The following ROCK1 variants were observed in gnomAD, a reference collection of about 807,000 sequenced individuals.
ROCK1 encodes the protein rho-associated protein kinase 1.
A neutral mutation model predicts 196.8 loss-of-function variants in ROCK1; 36 were observed. The observed-to-expected ratio is 0.18, with a 90% confidence interval of 0.14 to 0.24. The LOEUF (loss-of-function observed/expected upper bound fraction) is 0.24, where lower values mean the gene tolerates loss of function less well. ROCK1 is among the 10% of genes least tolerant of loss of function. The probability of loss-of-function intolerance (pLI) is 1.00; values close to 1 mark genes in which losing one functional copy is unlikely to be tolerated. For synonymous variants in ROCK1, 443 were observed against 515.9 expected, an observed-to-expected ratio of 0.86 and a Z score of 1.91; for missense variants, 920 against 1,562.0, an observed-to-expected ratio of 0.59 and a Z score of 6.93.
chr18:21,106,799 A>C (rs1399202528), intron 1 of ROCK1, among the ~76,000 whole-genome samples: 1 of 152,226 alleles, frequency 6.6e-6, no homozygotes, highest in African/African-American at 2.4e-5. Flanking sequence ...TTTAGCATTT[A>C]TACATGATAT....
rs2035169430 is a variant in ROCK1 at position 20,950,023 on chromosome 18, C to CCAGTG, written c.*1356_*1360dup. On this transcript the variant is annotated 3_prime_UTR_variant, in exon 33 of 33. Coordinates refer to ENST00000399799, the MANE Select transcript of ROCK1 (RefSeq NM_005406.3). ...TATCATCCTAGAGACGATCGGTTTT[C>CCAGTG]CAGTGCTTCTTATCTGATACACATT... 1 of 152,642 alleles carries CCAGTG rather than the reference C, an allele frequency of 6.6e-6. No individual in the cohort carries two copies. The highest frequency in any genetic ancestry group is 6.5e-5 in the Admixed American group (1 of 15,272). The allele number at this position is 152,642 out of a possible 1,614,324, so 9.5% of individuals were successfully genotyped here. A position where few individuals can be genotyped will look rare whatever the true frequency, so the allele number is the denominator to read the frequency against.
chr18:21,086,051 T>A (rs2036524059), intron 1 of ROCK1, among the ~76,000 whole-genome samples: 1 of 152,164 alleles, frequency 6.6e-6, no homozygotes, highest in Non-Finnish European at 1.5e-5. Flanking sequence ...TCTAATTTGT[T>A]ATTTTGGGGA....
chr18:20,968,892 T>C, intron 24 of ROCK1, 32 bp from the exon 25 acceptor site: 2 of 1,338,754 alleles, frequency 1.5e-6, no homozygotes, highest in Admixed American at 1.7e-5. Flanking sequence ...TGTTATTGTA[T>C]GGTATTAATT....
chr18:20,954,509 G>A (rs1457393700), intron 31 of ROCK1, among the ~76,000 whole-genome samples: 1 of 152,182 alleles, frequency 6.6e-6, no homozygotes, highest in Non-Finnish European at 1.5e-5. Context: ...CTGGGAGGCA[G>A]AGGCTGCAGT....
intron 1 of ROCK1, among the ~76,000 whole-genome samples, chr18:21,094,129 CAT>C (rs777748108): frequency 1.3e-5 from 2 of 152,190 alleles, no homozygotes; most frequent in African/African-American, 2.4e-5. Context: ...ATATTTTCCA[CAT>C]GTGACTAAAA....
At position 21,079,468 on chromosome 18, in the gene ROCK1, A is replaced by G. The variant is rs142168106; in HGVS notation, c.94-8855T>C. On this transcript the variant is annotated intron_variant, in intron 1 of 32. Coordinates refer to ENST00000399799, the MANE Select transcript of ROCK1 (RefSeq NM_005406.3). ...TCAGGGTCATCAGAAAATTGACCTAAGTCTCCCTTTGTTTGCTTAACGTCC... is the reference window on the plus strand; with the variant it reads ...TCAGGGTCATCAGAAAATTGACCTAGGTCTCCCTTTGTTTGCTTAACGTCC... Among the ~76,000 whole-genome samples, 364 of 152,312 alleles carry G rather than the reference A, an allele frequency of 2.4e-3. 2 individuals carry two copies. Among genetic ancestry groups the G allele is most frequent in the African/African-American group, 8.5e-3 (354 of 41,570 alleles).
chr18:21,062,397 T>C (rs905867089), intron 2 of ROCK1, among the ~76,000 whole-genome samples: 1 of 152,104 alleles, frequency 6.6e-6, no homozygotes, highest in African/African-American at 2.4e-5. Context: ...ATTAGGTTGG[T>C]GCAAAAGCAA....
In ROCK1 at chr18:21,042,244, T is replaced by C. The variant is rs748729473; in HGVS notation, c.821-9A>G. On this transcript the variant is annotated splice_polypyrimidine_tract_variant and intron_variant, in intron 7 of 32. Transcript: ENST00000399799. ...ATAAAAAGGTGTATCACCTGAAAAATTGATAAAGAAAACAAAAGCAAAATG... is the reference window on the plus strand; with the variant it reads ...ATAAAAAGGTGTATCACCTGAAAAACTGATAAAGAAAACAAAAGCAAAATG... 1 of 1,554,152 alleles carries C rather than the reference T, an allele frequency of 6.4e-7. No individual in the cohort carries two copies. The highest frequency in any genetic ancestry group is 8.6e-7 in the Non-Finnish European group (1 of 1,158,336).
rs753246567 is a variant in ROCK1, at chr18:20,967,913, T to G, written c.3031A>C (p.Asn1011His). The change falls in exon 26 of 33, where the codon AAT (asparagine) becomes CAT (histidine). Residue 1011 changes from asparagine to histidine, a missense_variant. Around this residue, in one of 6 missense-constraint regions of ROCK1, gnomAD observed 116 missense variants for 204.2 expected, o/e 0.57. Coordinates refer to ENST00000399799, the MANE Select transcript of ROCK1 (RefSeq NM_005406.3). ...QAVNKLAEIM[N>H]RKDFKIDRKK... ...CTATCAATTTTAAAATCTTTTCGAT[T>G]CATTATTTCTGCCAATTTGTTAACA... The G allele has an allele frequency of 6.4e-7, 1 of 1,566,050 alleles. No homozygotes were observed. Among genetic ancestry groups the G allele is most frequent in the Non-Finnish European group, 8.7e-7 (1 of 1,152,182 alleles).
chr18:21,019,404 T>A (rs1417344745), intron 12 of ROCK1, among the ~76,000 whole-genome samples: 1 of 152,102 alleles, frequency 6.6e-6, no homozygotes, highest in African/African-American at 2.4e-5. Context: ...ATCCACCATG[T>A]GCAGCCTAAT....
chr18:21,013,308 G>A (rs2035834110), intron 13 of ROCK1, among the ~76,000 whole-genome samples: 1 of 152,188 alleles, frequency 6.6e-6, no homozygotes, highest in Admixed American at 6.5e-5. Flanking sequence ...GTTTGCAGAA[G>A]TCCAGGTTTT....
At chr18:21,083,146 T>G (rs923428279) in intron 1 of ROCK1, among the ~76,000 whole-genome samples, 2 of 152,132 alleles carry the variant, frequency 1.3e-5, no homozygotes, top group African/African-American at 4.8e-5. Context: ...GCTAAAGACA[T>G]GTACACTGAA....
At chr18:21,024,385 T>C (rs1354828166) in intron 10 of ROCK1, among the ~76,000 whole-genome samples, 7 of 152,202 alleles carry the variant, frequency 4.6e-5, no homozygotes, top group African/African-American at 1.7e-4. Context: ...AAATAGATCA[T>C]ATATGTAAAC....
rs916415709 is a variant in ROCK1 at position 20,947,190 on chromosome 18, G to A, written c.*4194C>T. Reference sequence around the variant, plus strand: ...TCTTTGTATGTTAGACTTTCAATATGTGAAGTGGAATTAATGTTATTCTTT... The same window carrying A: ...TCTTTGTATGTTAGACTTTCAATATATGAAGTGGAATTAATGTTATTCTTT... On this transcript the variant is annotated 3_prime_UTR_variant, in exon 33 of 33. Coordinates refer to ENST00000399799, the MANE Select transcript of ROCK1 (RefSeq NM_005406.3). The A allele has an allele frequency of 6.6e-6, 1 of 152,076 alleles. No homozygotes were observed. The highest frequency in any genetic ancestry group is 2.4e-5 in the African/African-American group (1 of 41,420). 9.4% of individuals were successfully genotyped at this position (152,076 alleles called of 1,614,324 possible). A position where few individuals can be genotyped will look rare whatever the true frequency, so the allele number is the denominator to read the frequency against.
At chr18:21,104,865 C>A (rs139381880) in intron 1 of ROCK1, among the ~76,000 whole-genome samples, 68 of 152,298 alleles carry the variant, frequency 4.5e-4, no homozygotes, top group African/African-American at 1.6e-3. Flanking sequence ...TCTAAAAGAT[C>A]TTCCCCATTT....
intron 1 of ROCK1, among the ~76,000 whole-genome samples, chr18:21,076,421 T>C (rs1409320349): frequency 1.3e-5 from 2 of 152,158 alleles, no homozygotes; most frequent in East Asian, 1.9e-4. Context: ...GGAGAATCAC[T>C]TGAACCCAGG....
intron 19 of ROCK1, 149 bp downstream of exon 19, chr18:20,986,801 G>T: frequency 3.1e-6 from 2 of 644,096 alleles, no homozygotes; most frequent in Non-Finnish European, 5.0e-6. Context: ...CTAGGTGCTG[G>T]GGTGACCATA....
chr18:20,969,529 G>C (rs1337237978), intron 23 of ROCK1, among the ~76,000 whole-genome samples: 1 of 152,098 alleles, frequency 6.6e-6, no homozygotes. Context: ...ATGTGACCCC[G>C]AGCAAGTCAT....
At chr18:21,027,713 T>C (rs1332808323) in intron 10 of ROCK1, among the ~76,000 whole-genome samples, 1 of 151,636 alleles carries the variant, frequency 6.6e-6, no homozygotes, top group African/African-American at 2.4e-5. Context: ...ATACTACATT[T>C]TATAACACAT....
Sources: gnomAD v4.1 joint callset for allele counts (sites outside exome capture counted in the v4.1 genomes callset) on GRCh38, gnomAD v4.1.1 for gene constraint, gnomAD v4.1.1 regional missense constraint, MANE v1.5 for transcripts, NCBI Gene and HGNC (gene_info 2026-07-23, HGNC 2026-07-21) for gene names.